Variants in DVL1 observed in about 807,000 individuals in gnomAD.
DVL1 encodes dishevelled segment polarity protein 1.
In DVL1, 49 loss-of-function variants were observed where a neutral mutation model predicts 65.0. The observed-to-expected ratio is 0.75, with a 90% CI of 0.60 to 0.96. The LOEUF (loss-of-function observed/expected upper bound fraction) is 0.96. Among genes scored for constraint, DVL1 ranks in the 40% least tolerant of loss-of-function variants. DVL1 has a pLI of 0.00. For synonymous variants in DVL1, 608 were observed against 433.9 expected, an observed-to-expected ratio of 1.40 and a Z score of -4.99; for missense variants, 1,197 against 1,045.4, an observed-to-expected ratio of 1.15 and a Z score of -2.00.
chr1:1,345,048 C>T (rs926887573), intron 1 of DVL1, among the ~76,000 whole-genome samples: 1 of 152,220 alleles, frequency 6.6e-6, no homozygotes, highest in Admixed American at 6.5e-5. Flanking sequence ...GAGGGAGACT[C>T]GGCCACCCAG....
Position 1,336,051 on chromosome 1 carries a change from TG to T in DVL1, c.*90del. ...CTGCCCCCCACCCTGCCTCCCGTCCTGGCCCCCACGAAGGCAAGCCCACGCG... is the reference window on the plus strand; with the variant it reads ...CTGCCCCCCACCCTGCCTCCCGTCCTGCCCCCACGAAGGCAAGCCCACGCG... On this transcript the variant is annotated 3_prime_UTR_variant, in exon 15 of 15. Transcript: ENST00000378888. 1 of 1,495,386 alleles carries T rather than the reference TG, an allele frequency of 6.7e-7. No individual in the cohort carries two copies. 92.6% of individuals were successfully genotyped at this position (1,495,386 alleles called of 1,614,324 possible).
rs1254368401 is a variant in DVL1, at chr1:1,338,387, C to T, written c.1389G>A (p.Glu463=). Residue 463 remains glutamate, a synonymous_variant, in exon 13 of 15, where the codon GAG becomes GAA. Transcript: ENST00000378888. ...WLYTHVEGFK[E]RREARKYASS... ...TGGCGTACTTCCGGGCCTCCCGCCG[C>T]TCCTTGAAGCCCTCCACGTGTGTGT... The T allele has an allele frequency of 1.2e-6, 2 of 1,612,696 alleles. No individual in the cohort carries two copies. The highest frequency in any genetic ancestry group is 4.5e-5 in the East Asian group (2 of 44,882).
intron 1 of DVL1, among the ~76,000 whole-genome samples, chr1:1,345,380 G>A (rs1348338038): frequency 1.3e-5 from 2 of 152,180 alleles, no homozygotes; most frequent in African/African-American, 4.8e-5. Flanking sequence ...GTCTGCCTGG[G>A]GCTCCAGGGA....
intron 1 of DVL1, among the ~76,000 whole-genome samples, 199 bp from the exon 2 acceptor site, chr1:1,342,957 C>T (rs1643871265): frequency 6.7e-6 from 1 of 149,088 alleles, no homozygotes; most frequent in African/African-American, 2.5e-5. Flanking sequence ...TGGGGCCAGT[C>T]ACTCTGCGGA....
At position 1,336,366 on chromosome 1, in the gene DVL1, C is replaced by T. The variant is rs568283927; in HGVS notation, c.1864G>A (p.Gly622Ser). The T allele has an allele frequency of 6.5e-5, 103 of 1,596,758 alleles. No individual in the cohort carries two copies. Among genetic ancestry groups the T allele is most frequent in the Middle Eastern group, 1.7e-4 (1 of 5,996 alleles). Residue 622 changes from glycine (G) to serine (S), a missense_variant, in exon 15 of 15, where the codon GGC becomes AGC. Gly to Ser is a moderately conservative substitution (Grantham distance 56, BLOSUM62 0). Coordinates refer to ENST00000378888, the MANE Select transcript of DVL1 (RefSeq NM_001330311.2). The part of the protein sequence containing the change: ...VGSSWRERPA[G>S]QLSRGSSPRS... The stretch of plus-strand genomic sequence containing the variant: ...GGGCTGCTGCCACGGCTGAGCTGGC[C>T]GGCCGGACGCTCTCGCCAGCTGCTC...
chr1:1,345,378 G>A (rs2100765437), intron 1 of DVL1, among the ~76,000 whole-genome samples: 1 of 152,318 alleles, frequency 6.6e-6, no homozygotes, highest in South Asian at 2.1e-4. Context: ...GGGTCTGCCT[G>A]GGGCTCCAGG....
rs141682898 is a variant in DVL1, at chr1:1,341,687, G to C, written c.585C>G (p.Asp195Glu). The C allele has an allele frequency of 1.2e-6, 2 of 1,608,772 alleles. No individual in the cohort carries two copies. Among genetic ancestry groups the C allele is most frequent in the Admixed American group, 1.7e-5 (1 of 59,908 alleles). Residue 195 changes from aspartate (D) to glutamate (E), a missense_variant, in exon 5 of 15, where the codon GAC becomes GAG. Transcript: ENST00000378888. ...ELESSSFVDS[D>E]EDGSTSRLSS... ...CACACCTGCTCGTGCTGCCATCCTC[G>C]TCCGAGTCCACAAAGCTGCTGGACT...
At chr1:1,336,652 C>T (rs1025680917) in intron 14 of DVL1, 137 bp from the exon 15 acceptor site, 31 of 1,201,026 alleles carry the variant, frequency 2.6e-5, no homozygotes, top group African/African-American at 8.1e-5. Flanking sequence ...CATGCAGGCG[C>T]GAGGACAGGG....
intron 1 of DVL1, among the ~76,000 whole-genome samples, chr1:1,348,022 C>T (rs1186562766): frequency 1.3e-5 from 2 of 152,236 alleles, no homozygotes; most frequent in African/African-American, 4.8e-5. Context: ...AGCGGCCACA[C>T]ACAAGGACAC....
Position 1,341,362 on chromosome 1 carries a change from GAC to G in DVL1, c.605+303_605+304del, listed in dbSNP as rs200805477. Among the ~76,000 whole-genome samples, 15,015 of 152,148 alleles carry G rather than the reference GAC, an allele frequency of 0.099. 1,215 individuals carry two copies. The highest frequency in any genetic ancestry group is 0.22 in the African/African-American group (9,228 of 41,476). On this transcript the variant is annotated intron_variant, in intron 5 of 14. Coordinates refer to ENST00000378888, the MANE Select transcript of DVL1 (RefSeq NM_001330311.2). ...ACGTTTGCACACAGGTACATGCACA[GAC>G]ACATCCGCAATGTGAAAACGCCTCA...
chr1:1,343,351 G>C (rs1430651358), intron 1 of DVL1, among the ~76,000 whole-genome samples: 1 of 151,816 alleles, frequency 6.6e-6, no homozygotes, highest in African/African-American at 2.4e-5. Context: ...GGGCCCCAAG[G>C]CTCCCCAGGC....
rs370650119 is a variant in DVL1, at chr1:1,335,785, G to A, written c.*357C>T. 1 of 301,494 alleles carries A rather than the reference G, an allele frequency of 3.3e-6. No individual in the cohort carries two copies. The highest frequency in any genetic ancestry group is 6.2e-6 in the Non-Finnish European group (1 of 160,040). 18.7% of individuals were successfully genotyped at this position (301,494 alleles called of 1,614,324 possible). ...ACAGGGGGCCTGTGCACCGCAGGGG[G>A]TTGCCCCGCATGGACCACCCTGGGG... On this transcript the variant is annotated 3_prime_UTR_variant, in exon 15 of 15. Transcript: ENST00000378888.
At chr1:1,342,958 ACT>A (rs1238347406) in intron 1 of DVL1, among the ~76,000 whole-genome samples, 200 bp from the exon 2 acceptor site, 2 of 138,388 alleles carry the variant, frequency 1.4e-5, no homozygotes, top group South Asian at 2.4e-4. Flanking sequence ...GGGGCCAGTC[ACT>A]CTGCGGACAC....
chr1:1,341,945 C>G, intron 4 of DVL1, 108 bp downstream of exon 4: 2 of 1,450,728 alleles, frequency 1.4e-6, no homozygotes, highest in African/African-American at 1.4e-5. Flanking sequence ...TGCCTCCACC[C>G]AAGCACCGCC....
intron 13 of DVL1, 40 bp downstream of exon 13, chr1:1,338,229 T>TGGCCGCCCCC: frequency 6.6e-7 from 1 of 1,522,372 alleles, no homozygotes; most frequent in Non-Finnish European, 9.0e-7. Flanking sequence ...CCTCCGGCGT[T>TGGCCGCCCCC]CCCCTCCCCC....
rs755390263 is a variant in DVL1, at chr1:1,339,358, G to A, written c.1136C>T (p.Thr379Met). Residue 379 changes from threonine (T) to methionine (M), a missense_variant, in exon 11 of 15, where the codon ACG becomes ATG. Thr to Met is a moderately conservative substitution (Grantham distance 81). Transcript: ENST00000378888. ...CGTGACGGCGCTGGAGCAGGGACTC[G>A]TACCGTAGCGGGGCAGGGCTCCTGT... Reference protein sequence around the residue: ...ALTGALPRYGTSPCSSAVTRT... With the variant: ...ALTGALPRYGMSPCSSAVTRT... 5.0e-5 allele frequency: 78 copies of A among 1,548,630 alleles called. 2 individuals carry two copies. The highest frequency in any genetic ancestry group is 3.3e-4 in the South Asian group (28 of 83,994).
chr1:1,343,267 C>G (rs574483420), intron 1 of DVL1, among the ~76,000 whole-genome samples: 10 of 151,698 alleles, frequency 6.6e-5, no homozygotes, highest in African/African-American at 9.7e-5. Flanking sequence ...GCCCCCCCCC[C>G]CCAGGGCTTC....
At chr1:1,342,313 C>G in intron 3 of DVL1, 50 bp downstream of exon 3, 1 of 1,522,772 alleles carries the variant, frequency 6.6e-7, no homozygotes, top group Non-Finnish European at 8.8e-7. Context: ...GGCCAGCAAC[C>G]CCCATGACAG....
rs1203290503 is a variant in DVL1 at position 1,335,994 on chromosome 1, C to G, written c.*148G>C. The G allele has an allele frequency of 6.4e-6, 7 of 1,100,238 alleles. No individual in the cohort carries two copies. Among genetic ancestry groups the G allele is most frequent in the Non-Finnish European group, 8.9e-6 (7 of 785,256 alleles). The allele number at this position is 1,100,238 out of a possible 1,614,324, so 68.2% of individuals were successfully genotyped here. A position where few individuals can be genotyped will look rare whatever the true frequency, so the allele number is the denominator to read the frequency against. ...AGGTGCTGTCAGGAGCTGGAGCAGC[C>G]AGGCTGCCAGGGCAGATGGTGGTGG... On this transcript the variant is annotated 3_prime_UTR_variant, in exon 15 of 15. Transcript: ENST00000378888.
Sources: gnomAD v4.1 joint callset for allele counts (sites outside exome capture counted in the v4.1 genomes callset) on GRCh38, gnomAD v4.1.1 for gene constraint, MANE v1.5 for transcripts, NCBI Gene and HGNC (gene_info 2026-07-23, HGNC 2026-07-21) for gene names.